The following MMP19 variants were observed in gnomAD, a reference collection of about 807,000 sequenced individuals.
MMP19 encodes matrix metalloproteinase-19.
Under a neutral mutation model 46.6 loss-of-function variants are expected in MMP19, and 47 were observed. The ratio of observed to expected loss-of-function variants is 1.01; its 90% CI spans 0.80 to 1.29. MMP19 has a LOEUF of 1.29. Among genes scored for constraint, MMP19 ranks in the 50% most tolerant of loss-of-function variants. The probability of loss-of-function intolerance (pLI) is 0.00; values close to 1 mark genes in which losing one functional copy is unlikely to be tolerated. For synonymous variants in MMP19, 222 were observed against 248.5 expected, an observed-to-expected ratio of 0.89 and a Z score of 1.00; for missense variants, 589 against 643.5, an observed-to-expected ratio of 0.92 and a Z score of 0.92.
In MMP19 at chr12:55,835,555, A is replaced by C. The variant is rs1881152483; in HGVS notation, c.*1481T>G. The C allele has an allele frequency of 6.6e-6, 1 of 152,274 alleles. No homozygotes were observed. The highest frequency in any genetic ancestry group is 6.5e-5 in the Admixed American group (1 of 15,284). The allele number at this position is 152,274 out of a possible 1,614,324, so 9.4% of individuals were successfully genotyped here. Reference sequence around the variant, plus strand: ...CAGCCTCCCAAAGTGCTAGGATTATAGCCACCGCACCTCGTCTTGAAATAG... The same window carrying C: ...CAGCCTCCCAAAGTGCTAGGATTATCGCCACCGCACCTCGTCTTGAAATAG... On this transcript the variant is annotated 3_prime_UTR_variant, in exon 9 of 9. Transcript: ENST00000322569.
chr12:55,835,777 C>G lies in MMP19; in HGVS notation c.*1259G>C, dbSNP rs536810031. 1 of 152,202 alleles carries G rather than the reference C, an allele frequency of 6.6e-6. No homozygotes were observed. Among genetic ancestry groups the G allele is most frequent in the East Asian group, 1.9e-4 (1 of 5,174 alleles). 9.4% of individuals were successfully genotyped at this position (152,202 alleles called of 1,614,324 possible). On this transcript the variant is annotated 3_prime_UTR_variant, in exon 9 of 9. Transcript: ENST00000322569. ...TTCTGTTTGGCCTTTCCCCCTGGGCCCCATAGGCTTAAACTACCCCCACCC... is the reference window on the plus strand; with the variant it reads ...TTCTGTTTGGCCTTTCCCCCTGGGCGCCATAGGCTTAAACTACCCCCACCC...
In MMP19 at chr12:55,837,278, G is replaced by A. The variant is rs1405291660; in HGVS notation, c.1285C>T (p.Pro429Ser). The A allele has an allele frequency of 6.2e-7, 1 of 1,614,090 alleles. No homozygotes were observed. The highest frequency in any genetic ancestry group is 8.5e-7 in the Non-Finnish European group (1 of 1,180,052). The change falls in exon 9 of 9, where the codon CCC becomes TCC. Residue 429 changes from proline (P) to serine (S), a missense_variant. By Grantham distance (74) the Pro-to-Ser change is moderately conservative. Coordinates refer to ENST00000322569, the MANE Select transcript of MMP19 (RefSeq NM_002429.6). Reference protein sequence around the residue: ...KGLFTGVPNQPSAAMSWQDGR... With the variant: ...KGLFTGVPNQSSAAMSWQDGR... ...TCTTGCCAACTCATAGCAGCCGAGG[G>A]CTGGTTTGGCACTCCCGTAAACAAA...
rs1335859157 is a variant in MMP19, at chr12:55,838,013, C to T, written c.896-6G>A. On this transcript the variant is annotated splice_region_variant and splice_polypyrimidine_tract_variant and intron_variant, in intron 6 of 8. Coordinates refer to ENST00000322569, the MANE Select transcript of MMP19 (RefSeq NM_002429.6). ...ATAGGTCTTCCCACGGGGCCCTGAG[C>T]GTAATGGTGTGTCAACAAGTCAAAA... The T allele has an allele frequency of 5.1e-6, 8 of 1,562,032 alleles. No homozygotes were observed. In the African/African-American group the frequency reaches 8.2e-5, roughly 16 times the overall value.
At chr12:55,838,119 C>A in intron 6 of MMP19, 112 bp from the exon 7 acceptor site, 2 of 983,032 alleles carry the variant, frequency 2.0e-6, no homozygotes, top group Non-Finnish European at 3.0e-6. Context: ...GCTGATTCTT[C>A]AAAAATTCAT....
At position 55,842,662 on chromosome 12, in the gene MMP19, T is replaced by C. The variant is rs866484187; in HGVS notation, c.87+82A>G. On this transcript the variant is annotated intron_variant, in intron 1 of 8. Transcript: ENST00000322569. ...AAGGGAAAGGCAGGCAGGCTGAAGG[T>C]CAGGAGGGAGGCTTCGATGGGGCTG... 56 of 1,186,922 alleles carry C rather than the reference T, an allele frequency of 4.7e-5. No individual in the cohort carries two copies. In the African/African-American group the frequency reaches 5.6e-4, roughly 12 times the overall value. The allele number at this position is 1,186,922 out of a possible 1,614,324, so 73.5% of individuals were successfully genotyped here.
Position 55,837,947 on chromosome 12 carries a change from C to G in MMP19, c.956G>C (p.Gly319Ala). Residue 319 changes from glycine to alanine, a missense_variant, in exon 7 of 9, where the codon GGA (glycine) becomes GCA (alanine). Coordinates refer to ENST00000322569, the MANE Select transcript of MMP19 (RefSeq NM_002429.6). The part of the protein sequence containing the change: ...GDYVWTVSDS[G>A]PGPLFRVSAL... ...AGACACTCGGAACAAGGGGCCCGGT[C>G]CTGAATCTGATACAGTCCACACATA... 1 of 1,612,558 alleles carries G rather than the reference C, an allele frequency of 6.2e-7. No homozygotes were observed.
chr12:55,838,869 G>T, intron 5 of MMP19, 135 bp from the exon 6 acceptor site: 1 of 679,786 alleles, frequency 1.5e-6, no homozygotes, highest in Non-Finnish European at 2.5e-6. Flanking sequence ...TTTGTGGTAG[G>T]CAATATTATG....
chr12:55,842,838 C>T lies in MMP19; in HGVS notation c.-8G>A. On this transcript the variant is annotated 5_prime_UTR_variant, in exon 1 of 9. In the 5' UTR this introduces an upstream ATG that the reference lacks. Coordinates refer to ENST00000322569, the MANE Select transcript of MMP19 (RefSeq NM_002429.6). ...CAGCTGCTGGCAGTTCATGGTCCCA[C>T]CAGACGAGAGCTCCAGAGGCTGTCC... is the stretch of plus-strand genomic sequence containing the variant. 2 of 1,586,842 alleles carry T rather than the reference C, an allele frequency of 1.3e-6. No homozygotes were observed. The highest frequency in any genetic ancestry group is 1.7e-6 in the Non-Finnish European group (2 of 1,167,276).
At position 55,837,960 on chromosome 12, in the gene MMP19, C is replaced by T. The variant is rs768705710; in HGVS notation, c.943G>A (p.Val315Ile). The T allele has an allele frequency of 1.2e-6, 2 of 1,609,694 alleles. No homozygotes were observed. ...YAFKGDYVWT[V>I]SDSGPGPLFR... is the part of the protein sequence containing the mutation. ...AAGGGGCCCGGTCCTGAATCTGATA[C>T]AGTCCACACATAGTCCCCCTTGAAA... Residue 315 changes from valine (V) to isoleucine (I), a missense_variant, in exon 7 of 9, where the codon GTA (valine) becomes ATA (isoleucine). Physicochemically the swap from Val to Ile is conservative, Grantham distance 29. Transcript: ENST00000322569.
intron 2 of MMP19, chr12:55,841,515 CTT>C: frequency 7.1e-6 from 1 of 140,612 alleles, no homozygotes; most frequent in Non-Finnish European, 1.4e-5. Flanking sequence ...TGCAATCTTC[CTT>C]CCTTCCTTCC....
intron 2 of MMP19, among the ~76,000 whole-genome samples, chr12:55,842,110 TATG>T (rs1219105106): frequency 6.6e-6 from 1 of 152,246 alleles, no homozygotes; most frequent in African/African-American, 2.4e-5. Flanking sequence ...GTATTTGAGA[TATG>T]ATGTGGGTAG....
chr12:55,838,809 T>C (rs1330693699), intron 5 of MMP19, 75 bp from the exon 6 acceptor site: 5 of 1,303,070 alleles, frequency 3.8e-6, no homozygotes, highest in Non-Finnish European at 5.3e-6. Flanking sequence ...CTGTAAGTTT[T>C]GCTCAGAGTC....
rs1223006933 is a variant in MMP19, at chr12:55,837,347, GCTCGTCCCA to G, written c.1207_1215del (p.Trp403_Glu405del). The G allele has an allele frequency of 6.2e-7, 1 of 1,605,508 alleles. No individual in the cohort carries two copies. Among genetic ancestry groups the G allele is most frequent in the Admixed American group, 1.7e-5 (1 of 59,802 alleles). On this transcript the variant is annotated inframe_deletion, in exon 9 of 9. Coordinates refer to ENST00000322569, the MANE Select transcript of MMP19 (RefSeq NM_002429.6). The stretch of plus-strand genomic sequence containing the variant: ...TAGCTGCTGAAGTCAGTTCGGGCTA[GCTCGTCCCA>G]CTGCCAGTACCCGGAGCCCTGGATA...
At position 55,837,225 on chromosome 12, in the gene MMP19, T is replaced by A; in HGVS notation, c.1338A>T (p.Lys446Asn). The A allele has an allele frequency of 6.2e-7, 1 of 1,614,220 alleles. No individual in the cohort carries two copies. The highest frequency in any genetic ancestry group is 8.5e-7 in the Non-Finnish European group (1 of 1,180,030). ...QDGRVYFFKG[K>N]VYWRLNQQLR... ...GCTGCTGGTTGAGGCGCCAGTAGAC[T>A]TTGCCCTTGAAGAAGTAGACTCGGC... The change falls in exon 9 of 9, where the codon AAA becomes AAT. Residue 446 changes from lysine to asparagine, a missense_variant. Lys to Asn is a moderately conservative substitution (Grantham distance 94). Coordinates refer to ENST00000322569, the MANE Select transcript of MMP19 (RefSeq NM_002429.6).
At position 55,837,907 on chromosome 12, in the gene MMP19, C is replaced by A. The variant is rs754442526; in HGVS notation, c.996G>T (p.Gly332=). ...CAGCAGCATCCAGGTTTCCGGGGAG[C>A]CCCTCCCAAAGGGCAGACACTCGGA... ...PLFRVSALWE[G]LPGNLDAAVY... is the part of the protein sequence containing the mutation. The change falls in exon 7 of 9, where the codon GGG becomes GGT. Residue 332 remains glycine (G), a synonymous_variant. Transcript: ENST00000322569. 48 of 1,613,170 alleles carry A rather than the reference C, an allele frequency of 3.0e-5. No individual in the cohort carries two copies. The highest frequency in any genetic ancestry group is 4.0e-5 in the Non-Finnish European group (47 of 1,179,314).
chr12:55,838,256 G>A, intron 6 of MMP19: 2 of 621,318 alleles, frequency 3.2e-6, no homozygotes, highest in South Asian at 4.0e-5. Context: ...TTCCTCCTTA[G>A]GAACCTCACC....
At position 55,837,363 on chromosome 12, in the gene MMP19, G is replaced by C. The variant is rs1281814131; in HGVS notation, c.1200C>G (p.Tyr400Ter). 6.2e-7 allele frequency: 1 copy of C among 1,601,310 alleles called. No homozygotes were observed. Residue 400 changes from tyrosine (Y) to a stop codon, truncating the protein, a stop_gained, in exon 9 of 9, where the codon TAC (tyrosine) becomes TAG (stop). Coordinates refer to ENST00000322569, the MANE Select transcript of MMP19 (RefSeq NM_002429.6). LOFTEE classifies it low-confidence loss of function (END_TRUNC). ...TTCGGGCTAGCTCGTCCCACTGCCA[G>C]TACCCGGAGCCCTGGATATGGGATG... ...QKVFLFKGSG[Y>*]WQWDELARTD...
chr12:55,836,012 T>A lies in MMP19; in HGVS notation c.*1024A>T, dbSNP rs1281170768. 6.6e-6 allele frequency: 1 copy of A among 152,276 alleles called. No individual in the cohort carries two copies. Among genetic ancestry groups the A allele is most frequent in the African/African-American group, 2.4e-5 (1 of 41,454 alleles). 9.4% of individuals were successfully genotyped at this position (152,276 alleles called of 1,614,324 possible). A position where few individuals can be genotyped will look rare whatever the true frequency, so the allele number is the denominator to read the frequency against. ...GCCTGGTCTTCAGGGCTGCATAGGA[T>A]GCAAGTGCCTTCTCTGCTTCTCACC... On this transcript the variant is annotated 3_prime_UTR_variant, in exon 9 of 9. Transcript: ENST00000322569.
chr12:55,839,677 G>T lies in MMP19; in HGVS notation c.585C>A (p.Phe195Leu), dbSNP rs1456291281. Residue 195 changes from phenylalanine to leucine, a missense_variant, in exon 5 of 9, where the codon TTC becomes TTA. Phe to Leu is a conservative substitution (Grantham distance 22). Transcript: ENST00000322569. ...CCCCACGGTAGGTCCCCTCAGTCCAGAACTCGTCTTCGTCGAAGTGCACAC... is the reference window on the plus strand; with the variant it reads ...CCCCACGGTAGGTCCCCTCAGTCCATAACTCGTCTTCGTCGAAGTGCACAC... ...LGSVHFDEDEFWTEGTYRGVN... is the reference protein window; with the variant it reads ...LGSVHFDEDELWTEGTYRGVN... 1 of 1,614,138 alleles carries T rather than the reference G, an allele frequency of 6.2e-7. No individual in the cohort carries two copies. The highest frequency in any genetic ancestry group is 8.5e-7 in the Non-Finnish European group (1 of 1,180,052).
Sources: gnomAD v4.1 joint callset for allele counts (sites outside exome capture counted in the v4.1 genomes callset) on GRCh38, gnomAD v4.1.1 for gene constraint, MANE v1.5 for transcripts, NCBI Gene and HGNC (gene_info 2026-07-23, HGNC 2026-07-21) for gene names.